CTNNA2: variants seen among roughly 807,000 people sequenced by gnomAD.
CTNNA2 encodes the protein catenin alpha-2.
CTNNA2 carries 42 observed loss-of-function variants against 101.0 expected under a neutral mutation model. The observed-to-expected ratio is 0.42, with a 90% CI of 0.32 to 0.54. The LOEUF (loss-of-function observed/expected upper bound fraction) is 0.54, where lower values mean the gene tolerates loss of function less well. Ranked by LOEUF, CTNNA2 falls within the 20% of genes least tolerant of loss-of-function variation. The probability of loss-of-function intolerance (pLI) is 0.14; values close to 1 mark genes in which losing one functional copy is unlikely to be tolerated. For missense variants in CTNNA2, 871 were observed against 1,223.1 expected, an observed-to-expected ratio of 0.71 and a Z score of 4.29; for synonymous variants, 450 against 456.4, an observed-to-expected ratio of 0.99 and a Z score of 0.18.
chr2:79,188,724 T>C (rs1443555363), intron 1 of CTNNA2, among the ~76,000 whole-genome samples: 1 of 152,112 alleles, frequency 6.6e-6, no homozygotes, highest in Non-Finnish European at 1.5e-5. Flanking sequence ...AGGGAGTAAG[T>C]AGTGGAGGAA....
Position 79,395,053 on chromosome 2 carries a change from G to A in CTNNA2, c.-135+21040G>A, listed in dbSNP as rs147993381. The stretch of plus-strand genomic sequence containing the variant: ...TTAACCATGCCTCTGTGATAGATTC[G>A]TTGCTAAGGGTTTTACCTGTGTAGC... On this transcript the variant is annotated intron_variant, in intron 4 of 21. Coordinates refer to the CTNNA2 transcript ENST00000466387. Among the ~76,000 whole-genome samples the A allele has an allele frequency of 4.6e-3, 701 of 152,146 alleles. 5 individuals carry two copies. Among genetic ancestry groups the A allele is most frequent in the South Asian group, 0.014 (69 of 4,804 alleles).
At chr2:79,711,832 G>A (rs1339251803) in intron 2 of CTNNA2, among the ~76,000 whole-genome samples, 1 of 152,126 alleles carries the variant, frequency 6.6e-6, no homozygotes, top group African/African-American at 2.4e-5. Flanking sequence ...GTGTGACTGT[G>A]TTCCCATATA....
chr2:80,350,310 A>G (rs2149296339), intron 7 of CTNNA2, among the ~76,000 whole-genome samples: 1 of 152,294 alleles, frequency 6.6e-6, no homozygotes, highest in East Asian at 1.9e-4. Context: ...ATGAAATGGT[A>G]AGTTTTATTT....
intron 3 of CTNNA2, among the ~76,000 whole-genome samples, chr2:79,794,862 T>C (rs1675575157): frequency 6.6e-6 from 1 of 152,198 alleles, no homozygotes; most frequent in Non-Finnish European, 1.5e-5. Context: ...CCCTCTTCAG[T>C]TGACCATTGA....
intron 7 of CTNNA2, among the ~76,000 whole-genome samples, chr2:79,971,746 G>A (rs980984831): frequency 4.6e-5 from 7 of 152,142 alleles, no homozygotes; most frequent in Admixed American, 1.3e-4. Context: ...TTCTTGAAAC[G>A]CTGTGGCTTA....
intron 2 of CTNNA2, among the ~76,000 whole-genome samples, chr2:79,209,571 T>A (rs933576126): frequency 2.0e-5 from 3 of 152,214 alleles, no homozygotes; most frequent in African/African-American, 4.8e-5. Flanking sequence ...TTCTGAAAAC[T>A]GTCTTTTAAT....
At chr2:79,729,833 T>C (rs958116285) in intron 2 of CTNNA2, among the ~76,000 whole-genome samples, 5 of 152,102 alleles carry the variant, frequency 3.3e-5, no homozygotes, top group African/African-American at 9.7e-5. Flanking sequence ...CCTTTTTTCA[T>C]GTCACTGGCA....
At chr2:79,873,263 A>G (rs1682728266) in intron 5 of CTNNA2, among the ~76,000 whole-genome samples, 1 of 152,088 alleles carries the variant, frequency 6.6e-6, no homozygotes, top group African/African-American at 2.4e-5. Context: ...TGTATGGCCC[A>G]TGCAATCAAT....
intron 2 of CTNNA2, among the ~76,000 whole-genome samples, chr2:79,254,269 T>G (rs867942305): frequency 1.3e-5 from 2 of 152,344 alleles, no homozygotes; most frequent in South Asian, 2.1e-4. Flanking sequence ...GGCAGTGATA[T>G]GGTTTGGACC....
At chr2:79,765,180 A>G (rs565238813) in intron 3 of CTNNA2, among the ~76,000 whole-genome samples, 50 of 152,296 alleles carry the variant, frequency 3.3e-4, no homozygotes, top group African/African-American at 1.1e-3. Context: ...AAATGAGGTA[A>G]TATATGTGAA....
At chr2:79,718,613 T>A (rs1686262554) in intron 2 of CTNNA2, among the ~76,000 whole-genome samples, 1 of 152,200 alleles carries the variant, frequency 6.6e-6, no homozygotes, top group Non-Finnish European at 1.5e-5. Flanking sequence ...CATATCTCTT[T>A]CCCTTTGGAT....
At chr2:80,545,780 C>T (rs1692007463) in intron 10 of CTNNA2, 127 bp from the exon 11 acceptor site, 2 of 813,150 alleles carry the variant, frequency 2.5e-6, no homozygotes, top group East Asian at 2.8e-5. Flanking sequence ...GATTGTCCTT[C>T]TGAACACCAA....
chr2:79,517,944 G>A (rs79775944), intron 1 of CTNNA2, among the ~76,000 whole-genome samples: 1 of 152,144 alleles, frequency 6.6e-6, no homozygotes, highest in African/African-American at 2.4e-5. Context: ...TTCCCCATAC[G>A]TGAGGGTGGT....
At chr2:79,755,280 A>G (rs1672320969) in intron 3 of CTNNA2, among the ~76,000 whole-genome samples, 2 of 152,196 alleles carry the variant, frequency 1.3e-5, no homozygotes, top group African/African-American at 4.8e-5. Flanking sequence ...ACATTGAGCT[A>G]TGATAGAGCC....
intron 1 of CTNNA2, among the ~76,000 whole-genome samples, chr2:79,607,025 C>CGAAGT (rs1677938729): frequency 1.3e-5 from 2 of 151,962 alleles, no homozygotes; most frequent in South Asian, 4.2e-4. Context: ...AAGGCAAAGC[C>CGAAGT]GAAGTGTATA....
At chr2:79,923,896 A>G (rs2104391371) in intron 7 of CTNNA2, among the ~76,000 whole-genome samples, 1 of 152,266 alleles carries the variant, frequency 6.6e-6, no homozygotes. Context: ...ATTTTGGAAA[A>G]CAGAATGAAA....
chr2:80,127,410 A>G (rs1316859711), intron 7 of CTNNA2, among the ~76,000 whole-genome samples: 1 of 152,138 alleles, frequency 6.6e-6, no homozygotes. Flanking sequence ...CTGACATGAA[A>G]GTGGTTAACA....
chr2:79,685,169 C>T (rs1487366624), intron 2 of CTNNA2, among the ~76,000 whole-genome samples: 1 of 152,054 alleles, frequency 6.6e-6, no homozygotes, highest in Non-Finnish European at 1.5e-5. Flanking sequence ...CTTATGCCAG[C>T]ATATCATTTG....
intron 15 of CTNNA2, 174 bp from the exon 16 acceptor site, chr2:80,603,900 A>G (rs886401341): frequency 1.1e-5 from 6 of 522,902 alleles, no homozygotes; most frequent in Non-Finnish European, 1.7e-5. Context: ...AAATATTTCC[A>G]AAAACGACTA....
Sources: gnomAD v4.1 joint callset for allele counts (sites outside exome capture counted in the v4.1 genomes callset) on GRCh38, gnomAD v4.1.1 for gene constraint, MANE v1.5 for transcripts, NCBI Gene and HGNC (gene_info 2026-07-23, HGNC 2026-07-21) for gene names.